MYO6: variants seen among roughly 807,000 people sequenced by gnomAD.
MYO6 encodes myosin VI.
Under a neutral mutation model 178.7 loss-of-function variants are expected in MYO6, and 74 were observed. The ratio of observed to expected loss-of-function variants is 0.41; its 90% CI spans 0.34 to 0.50. The LOEUF (loss-of-function observed/expected upper bound fraction) is 0.50, where lower values mean the gene tolerates loss of function less well. Among genes scored for constraint, MYO6 ranks in the 20% least tolerant of loss-of-function variants. The pLI, the probability that MYO6 is intolerant of heterozygous loss-of-function variation, is 0.09. For synonymous variants in MYO6, 477 were observed against 504.6 expected, an observed-to-expected ratio of 0.95 and a Z score of 0.73; for missense variants, 1,330 against 1,547.4, an observed-to-expected ratio of 0.86 and a Z score of 2.36.
intron 30 of MYO6, among the ~76,000 whole-genome samples, 154 bp downstream of exon 30, chr6:75,898,565 C>T (rs1002606033): frequency 2.0e-5 from 3 of 152,210 alleles, no homozygotes; most frequent in Middle Eastern, 3.4e-3. Flanking sequence ...TCACTTCTCC[C>T]TCACCCCACC....
intron 22 of MYO6, among the ~76,000 whole-genome samples, chr6:75,880,335 C>T (rs1016730117): frequency 6.6e-6 from 1 of 152,152 alleles, no homozygotes; most frequent in Non-Finnish European, 1.5e-5. Flanking sequence ...TAGCTTTACT[C>T]ATACATATTT....
chr6:75,779,330 A>C (rs7761217), intron 1 of MYO6, among the ~76,000 whole-genome samples: 8,294 of 152,102 alleles, frequency 0.055, 496 homozygotes, highest in African/African-American at 0.15. Flanking sequence ...GGTGAAACCC[A>C]GTCTCCATTA....
At position 75,892,531 on chromosome 6, in the gene MYO6, C is replaced by G; in HGVS notation, c.2948C>G (p.Ala983Gly). 6.2e-7 allele frequency: 1 copy of G among 1,613,960 alleles called. No homozygotes were observed. Among genetic ancestry groups the G allele is most frequent in the Non-Finnish European group, 8.5e-7 (1 of 1,180,016 alleles). Residue 983 changes from alanine to glycine, a missense_variant and splice_region_variant, in exon 28 of 35, where the codon GCT (alanine) becomes GGT (glycine). By Grantham distance (60) the Ala-to-Gly change is moderately conservative (BLOSUM62 0). Coordinates refer to ENST00000369977, the MANE Select transcript of MYO6 (RefSeq NM_004999.4). Reference protein sequence around the residue: ...KREDDEKRIQAEVEAQLARQK... With the variant: ...KREDDEKRIQGEVEAQLARQK... The stretch of plus-strand genomic sequence containing the variant: ...GAAATAGCTTTCTGCCCTTGTCAGG[C>G]TGAAGTGGAGGCACAGCTGGCCCGA...
chr6:75,914,999 G>A lies in MYO6; in HGVS notation c.3845G>A (p.Ser1282Asn), dbSNP rs1267359106. Residue 1282 changes from serine (S) to asparagine (N), a missense_variant, in exon 35 of 35, where the codon AGT becomes AAT. Ser to Asn is a conservative substitution (Grantham distance 46, BLOSUM62 1). This residue lies in a region of MYO6 where 601 missense variants were observed against 626.1 expected (regional missense o/e 0.96). Transcript: ENST00000369977. ...ACCTATGCAACAGCCATGCTGCAGA[G>A]TCTGTTAAAGTAGATGTTGCACACC... Reference protein sequence around the residue: ...RPTYATAMLQSLLK With the variant: ...RPTYATAMLQNLLK The A allele has an allele frequency of 1.2e-6, 2 of 1,612,608 alleles. No individual in the cohort carries two copies. Among genetic ancestry groups the A allele is most frequent in the Non-Finnish European group, 1.7e-6 (2 of 1,179,664 alleles).
chr6:75,835,814 G>C (rs1773587777), intron 6 of MYO6, 87 bp from the exon 7 acceptor site: 5 of 755,032 alleles, frequency 6.6e-6, no homozygotes, highest in Non-Finnish European at 1.2e-5. Flanking sequence ...GATGATCTAG[G>C]TTTCAGTTTT....
chr6:75,853,052 T>C (rs1775420615), intron 11 of MYO6, among the ~76,000 whole-genome samples: 1 of 152,192 alleles, frequency 6.6e-6, no homozygotes, highest in Non-Finnish European at 1.5e-5. Context: ...ACGTGTTATC[T>C]TTTTGTGGTT....
chr6:75,809,529 G>C (rs913220955), intron 1 of MYO6, among the ~76,000 whole-genome samples: 1 of 152,078 alleles, frequency 6.6e-6, no homozygotes, highest in South Asian at 2.1e-4. Context: ...AGGTGGTTGG[G>C]TTATAATTTG....
At chr6:75,901,958 C>A (rs1189568346) in intron 30 of MYO6, among the ~76,000 whole-genome samples, 1 of 152,140 alleles carries the variant, frequency 6.6e-6, no homozygotes. Context: ...TTGTCAAAAG[C>A]CTTTTCTGCA....
chr6:75,756,007 A>G (rs879338623), intron 1 of MYO6, among the ~76,000 whole-genome samples: 43 of 152,222 alleles, frequency 2.8e-4, no homozygotes, highest in Non-Finnish European at 3.7e-4. Context: ...CTCCCAGACT[A>G]TTGGGTTATG....
In MYO6 at chr6:75,879,898, A is replaced by G; in HGVS notation, c.2156A>G (p.Lys719Arg). Residue 719 changes from lysine to arginine, a missense_variant, in exon 21 of 35, where the codon AAA (lysine) becomes AGA (arginine). Lys to Arg is a conservative substitution (Grantham distance 26). Around this residue, in one of 3 missense-constraint regions of MYO6, gnomAD observed 613 missense variants for 816.8 expected, o/e 0.75. Transcript: ENST00000369977. Reference sequence around the variant, plus strand: ...TTTCATGAACTCTACAACATGTACAAAAAGTATATGCCAGATAAACTTGCA... The same window carrying G: ...TTTCATGAACTCTACAACATGTACAGAAAGTATATGCCAGATAAACTTGCA... The part of the protein sequence containing the change: ...ASFHELYNMY[K>R]KYMPDKLARL... 6.2e-7 allele frequency: 1 copy of G among 1,614,146 alleles called. No individual in the cohort carries two copies. Among genetic ancestry groups the G allele is most frequent in the East Asian group, 2.2e-5 (1 of 44,874 alleles).
At chr6:75,866,745 A>G in intron 17 of MYO6, 124 bp downstream of exon 17, 1 of 1,116,928 alleles carries the variant, frequency 9.0e-7, no homozygotes, top group Non-Finnish European at 1.3e-6. Context: ...TAAAATTACA[A>G]GTTCAATTCC....
At position 75,919,149 on chromosome 6, in the gene MYO6, G is replaced by C. The variant is rs1298865158; in HGVS notation, c.*4137G>C. On this transcript the variant is annotated 3_prime_UTR_variant, in exon 35 of 35. Transcript: ENST00000369977. Reference sequence around the variant, plus strand: ...AATAAAATAGATTTAGGGGGTACAAGTGCAGTTTTGTTACATGGGTATATT... The same window carrying C: ...AATAAAATAGATTTAGGGGGTACAACTGCAGTTTTGTTACATGGGTATATT... 1 of 152,162 alleles carries C rather than the reference G, an allele frequency of 6.6e-6. No individual in the cohort carries two copies. The highest frequency in any genetic ancestry group is 2.4e-5 in the African/African-American group (1 of 41,434). 9.4% of individuals were successfully genotyped at this position (152,162 alleles called of 1,614,324 possible).
chr6:75,765,434 C>G (rs1378673141), intron 1 of MYO6, among the ~76,000 whole-genome samples: 1 of 151,930 alleles, frequency 6.6e-6, no homozygotes, highest in Non-Finnish European at 1.5e-5. Context: ...GCCTCAGCCT[C>G]CCAAAGTGTT....
At chr6:75,813,290 G>C (rs886761251) in intron 1 of MYO6, among the ~76,000 whole-genome samples, 7 of 152,142 alleles carry the variant, frequency 4.6e-5, no homozygotes, top group Non-Finnish European at 7.3e-5. Context: ...CAAGCAAAGA[G>C]TCTCTCTGCA....
intron 11 of MYO6, among the ~76,000 whole-genome samples, chr6:75,852,588 G>A (rs911246368): frequency 1.3e-5 from 2 of 152,032 alleles, no homozygotes; most frequent in Non-Finnish European, 2.9e-5. Flanking sequence ...CATATAAATG[G>A]AATCATACAA....
intron 24 of MYO6, 61 bp downstream of exon 24, chr6:75,886,155 C>T: frequency 3.5e-6 from 4 of 1,148,960 alleles, no homozygotes; most frequent in Non-Finnish European, 3.9e-6. Context: ...TACAAAATGA[C>T]AATAAAGTCA....
intron 30 of MYO6, among the ~76,000 whole-genome samples, chr6:75,902,056 T>C (rs1367830151): frequency 2.6e-5 from 4 of 152,246 alleles, no homozygotes; most frequent in African/African-American, 4.8e-5. Context: ...GGACCAGCCT[T>C]GCATCCCAGG....
chr6:75,871,728 C>T (rs922792913), intron 19 of MYO6, among the ~76,000 whole-genome samples: 2 of 152,052 alleles, frequency 1.3e-5, no homozygotes, highest in Non-Finnish European at 2.9e-5. Context: ...AAAACCAAAT[C>T]TGATGAAGAG....
intron 1 of MYO6, among the ~76,000 whole-genome samples, chr6:75,763,254 G>C (rs548111638): frequency 1.9e-4 from 29 of 152,036 alleles, no homozygotes; most frequent in African/African-American, 6.3e-4. Context: ...TTGAACTCCT[G>C]ACCTCATGAT....
Sources: allele counts gnomAD v4.1 joint callset (sites outside exome capture counted in the v4.1 genomes callset), GRCh38; gene constraint gnomAD v4.1.1; regional missense constraint gnomAD v4.1.1; transcripts MANE v1.5; gene names NCBI Gene and HGNC (gene_info 2026-07-23, HGNC 2026-07-21).